PPP2R2B: variants seen among roughly 807,000 people sequenced by gnomAD.
The protein encoded by PPP2R2B is serine/threonine-protein phosphatase 2A 55 kDa regulatory subunit B beta isoform.
PPP2R2B carries 5 observed loss-of-function variants against 46.0 expected under a neutral mutation model. The ratio of observed to expected loss-of-function variants is 0.11; its 90% CI spans 0.06 to 0.23. PPP2R2B has a LOEUF of 0.23. Ranked by LOEUF, PPP2R2B falls within the 10% of genes least tolerant of loss-of-function variation. PPP2R2B has a pLI of 1.00. For missense variants in PPP2R2B, 367 were observed against 575.0 expected, an observed-to-expected ratio of 0.64 and a Z score of 3.70; for synonymous variants, 215 against 206.7, an observed-to-expected ratio of 1.04 and a Z score of -0.34.
chr5:146,949,939 CAG>C (rs1441725174), intron 1 of PPP2R2B, among the ~76,000 whole-genome samples: 3 of 151,678 alleles, frequency 2.0e-5, no homozygotes, highest in African/African-American at 7.3e-5. Context: ...CTCATGGAGA[CAG>C]AGAGTAGAAT....
intron 2 of PPP2R2B, among the ~76,000 whole-genome samples, chr5:147,072,371 G>C (rs1444735170): frequency 1.3e-5 from 2 of 152,082 alleles, no homozygotes; most frequent in East Asian, 3.9e-4. Flanking sequence ...TTGTATTAGT[G>C]GTAGTATTGA....
chr5:146,854,519 T>C (rs1476322350), intron 2 of PPP2R2B, among the ~76,000 whole-genome samples: 4 of 152,168 alleles, frequency 2.6e-5, no homozygotes, highest in South Asian at 2.1e-4. Flanking sequence ...TTAGAATTTA[T>C]ACCTTTTATC....
intron 2 of PPP2R2B, among the ~76,000 whole-genome samples, chr5:146,710,312 G>A (rs779565491): frequency 6.6e-6 from 1 of 152,172 alleles, no homozygotes; most frequent in Admixed American, 6.5e-5. Flanking sequence ...TGGGAAGCAG[G>A]TGAGTAATGA....
intron 7 of PPP2R2B, among the ~76,000 whole-genome samples, chr5:146,605,835 T>C (rs184760601): frequency 6.6e-6 from 1 of 152,378 alleles, no homozygotes; most frequent in African/African-American, 2.4e-5. Context: ...TTGGGTTATA[T>C]TGCTATAGTC....
chr5:146,656,190 G>A (rs1426504511), intron 5 of PPP2R2B, among the ~76,000 whole-genome samples: 1 of 152,078 alleles, frequency 6.6e-6, no homozygotes, highest in Non-Finnish European at 1.5e-5. Context: ...CAAGCGAGAG[G>A]TATGCTCTTT....
intron 6 of PPP2R2B, among the ~76,000 whole-genome samples, chr5:146,644,928 A>C (rs1775476602): frequency 6.6e-6 from 1 of 152,168 alleles, no homozygotes; most frequent in Non-Finnish European, 1.5e-5. Context: ...TAATACTGAC[A>C]TGCGTATTTC....
At chr5:146,907,276 A>C (rs1763030966) in intron 1 of PPP2R2B, among the ~76,000 whole-genome samples, 2 of 152,154 alleles carry the variant, frequency 1.3e-5, no homozygotes, top group African/African-American at 4.8e-5. Context: ...TGCACAAGCG[A>C]GCTGGGGGAT....
Position 146,589,864 on chromosome 5 carries a change from T to C in PPP2R2B, c.*83A>G. 7.4e-7 allele frequency: 1 copy of C among 1,345,244 alleles called. No homozygotes were observed. Among genetic ancestry groups the C allele is most frequent in the African/African-American group, 1.5e-5 (1 of 68,860 alleles). The allele number at this position is 1,345,244 out of a possible 1,614,324, so 83.3% of individuals were successfully genotyped here. A position where few individuals can be genotyped will look rare whatever the true frequency, so the allele number is the denominator to read the frequency against. On this transcript the variant is annotated 3_prime_UTR_variant, in exon 10 of 10. Coordinates refer to ENST00000394411, the MANE Select transcript of PPP2R2B (RefSeq NM_181675.4). ...GTATAGGGAAATTAAAGTCAATGCA[T>C]CAAATGAAGACCCAAAGAAACATTT...
Position 146,691,284 on chromosome 5 carries a change from A to G in PPP2R2B, c.335-44T>C, listed in dbSNP as rs747190365. The G allele has an allele frequency of 1.1e-5, 17 of 1,553,966 alleles. 1 individual carries two copies. The South Asian group carries it at 1.8e-4, about 16-fold the overall frequency. Reference sequence around the variant, plus strand: ...TTAAGTCAGAATTATAGTGAAAAGCAAGCTCATAAGGGAGTTTTCCTGGGG... The same window carrying G: ...TTAAGTCAGAATTATAGTGAAAAGCGAGCTCATAAGGGAGTTTTCCTGGGG... On this transcript the variant is annotated intron_variant, in intron 4 of 9. Coordinates refer to ENST00000394411, the MANE Select transcript of PPP2R2B (RefSeq NM_181675.4).
intron 2 of PPP2R2B, among the ~76,000 whole-genome samples, chr5:146,717,668 TACA>T (rs1305487730): frequency 6.6e-6 from 1 of 152,128 alleles, no homozygotes; most frequent in Non-Finnish European, 1.5e-5. Context: ...TTTGGGGTAA[TACA>T]ACCTTTTGGT....
intron 2 of PPP2R2B, among the ~76,000 whole-genome samples, chr5:146,738,310 G>A (rs1052939045): frequency 2.7e-5 from 4 of 149,578 alleles, no homozygotes; most frequent in African/African-American, 7.4e-5. Context: ...GCAGGAGAAC[G>A]GCATGAACTT....
intron 1 of PPP2R2B, among the ~76,000 whole-genome samples, chr5:147,042,484 C>G (rs988337713): frequency 6.6e-6 from 1 of 152,090 alleles, no homozygotes. Flanking sequence ...AAGCCAAATA[C>G]TGTAGATAAT....
At chr5:146,820,121 C>A (rs906565204) in intron 2 of PPP2R2B, among the ~76,000 whole-genome samples, 2 of 152,112 alleles carry the variant, frequency 1.3e-5, no homozygotes, top group African/African-American at 4.8e-5. Flanking sequence ...GGAATAAGTT[C>A]TGGTGTTCTG....
chr5:146,909,062 T>C (rs1226994554), intron 1 of PPP2R2B, among the ~76,000 whole-genome samples: 1 of 152,174 alleles, frequency 6.6e-6, no homozygotes, highest in Non-Finnish European at 1.5e-5. Context: ...GAAGTAATAG[T>C]GGGAGAAGAT....
intron 2 of PPP2R2B, among the ~76,000 whole-genome samples, chr5:146,762,464 G>A (rs1754225500): frequency 1.3e-5 from 2 of 152,308 alleles, no homozygotes; most frequent in South Asian, 2.1e-4. Context: ...TCAGCACTCA[G>A]TTCTGTTCAC....
intron 7 of PPP2R2B, among the ~76,000 whole-genome samples, chr5:146,633,665 G>C (rs761347104): frequency 7.9e-5 from 12 of 152,250 alleles, no homozygotes; most frequent in Non-Finnish European, 1.6e-4. Context: ...CTGGGCAGAG[G>C]CCTGAAGGCC....
At chr5:146,845,314 GT>G (rs71001406) in intron 2 of PPP2R2B, among the ~76,000 whole-genome samples, 10 of 140,552 alleles carry the variant, frequency 7.1e-5, no homozygotes, top group South Asian at 2.2e-4. Flanking sequence ...TCTTTTTTTT[GT>G]TTTTTTTTGA....
intron 1 of PPP2R2B, among the ~76,000 whole-genome samples, chr5:146,989,267 T>G (rs1753576326): frequency 6.6e-6 from 1 of 151,996 alleles, no homozygotes; most frequent in Admixed American, 6.5e-5. Flanking sequence ...CCAGCATTAC[T>G]GATACCAAAA....
At chr5:146,910,691 A>G (rs7700785) in intron 1 of PPP2R2B, among the ~76,000 whole-genome samples, 3,906 of 152,312 alleles carry the variant, frequency 0.026, 150 homozygotes, top group African/African-American at 0.071. Context: ...GTTACTGTTA[A>G]TAATACATTA....
Sources: allele counts gnomAD v4.1 joint callset (sites outside exome capture counted in the v4.1 genomes callset), GRCh38; gene constraint gnomAD v4.1.1; transcripts MANE v1.5; gene names NCBI Gene and HGNC (gene_info 2026-07-23, HGNC 2026-07-21).